PCDHGB1: variants seen among roughly 807,000 people sequenced by gnomAD.
PCDHGB1 encodes the protein protocadherin gamma subfamily B, 1, also known as protocadherin gamma-B1.
In PCDHGB1, 34 loss-of-function variants were observed where a neutral mutation model predicts 56.6. The observed-to-expected ratio is 0.60, with a 90% CI of 0.46 to 0.80. The LOEUF (loss-of-function observed/expected upper bound fraction) is 0.80. PCDHGB1 is among the 30% of genes least tolerant of loss of function. The probability of loss-of-function intolerance (pLI) is 0.00; values close to 1 mark genes in which losing one functional copy is unlikely to be tolerated. For synonymous variants in PCDHGB1, 561 were observed against 505.9 expected, an observed-to-expected ratio of 1.11 and a Z score of -1.46; for missense variants, 1,278 against 1,204.6, an observed-to-expected ratio of 1.06 and a Z score of -0.90.
intron 2 of PCDHGB1, among the ~76,000 whole-genome samples, chr5:141,503,334 C>T (rs2099819255): frequency 6.6e-6 from 1 of 152,072 alleles, no homozygotes; most frequent in Admixed American, 6.6e-5. Context: ...CGGTGGCTCA[C>T]GCCTGTAATT....
chr5:141,407,158 G>A (rs2094893881), intron 1 of PCDHGB1, among the ~76,000 whole-genome samples: 1 of 152,166 alleles, frequency 6.6e-6, no homozygotes, highest in African/African-American at 2.4e-5. Flanking sequence ...AAGTGTCTGG[G>A]AATCCTTTAT....
In PCDHGB1 at chr5:141,351,199, G is replaced by C. The variant is rs776609643; in HGVS notation, c.939G>C (p.Leu313Phe). The change falls in exon 1 of 4, where the codon TTG becomes TTC. Residue 313 changes from leucine (L) to phenylalanine (F), a missense_variant. Transcript: ENST00000523390. ...TTGAAGAGACAAGTAGATATGTGTT[G>C]AGTGTGGAAGCTAAGGATGGAGGAG... ...LDFEETSRYV[L>F]SVEAKDGGVH... 2.5e-6 allele frequency: 4 copies of C among 1,614,034 alleles called. No individual in the cohort carries two copies. Among genetic ancestry groups the C allele is most frequent in the Non-Finnish European group, 3.4e-6 (4 of 1,179,888 alleles).
Position 141,485,193 on chromosome 5 carries a change from G to C in PCDHGB1, c.2410-9614G>C. 1 of 1,613,988 alleles carries C rather than the reference G, an allele frequency of 6.2e-7. No individual in the cohort carries two copies. Among genetic ancestry groups the C allele is most frequent in the Non-Finnish European group, 8.5e-7 (1 of 1,179,852 alleles). On this transcript the variant is annotated intron_variant, in intron 1 of 3. Transcript: ENST00000523390. This position sits in a 1 kb window ranked among gnomAD's most constrained non-coding sequence, Gnocchi z 5.7. ...GCAGCAATGCTCCGCAAGGTGAGAA[G>C]CTGGACAGAAATCTGGCGGTGGGCT...
intron 1 of PCDHGB1, chr5:141,417,843 G>C: frequency 6.5e-7 from 1 of 1,539,250 alleles, no homozygotes; most frequent in Non-Finnish European, 8.8e-7. Context: ...GGGACCCAGC[G>C]AGAACCCGAG....
In PCDHGB1 at chr5:141,432,645, C is replaced by T. The variant is rs758701539; in HGVS notation, c.2410-62162C>T. On this transcript the variant is annotated intron_variant, in intron 1 of 3. Coordinates refer to ENST00000523390, the MANE Select transcript of PCDHGB1 (RefSeq NM_018922.3). The surrounding 1 kb of genome is among the most constrained non-coding windows in gnomAD (Gnocchi z 6.0). Reference sequence around the variant, plus strand: ...CTGCACACGGGCGAGGTGCGCACGGCGCGAGCCCTGCTGGACAGAGACGCG... The same window carrying T: ...CTGCACACGGGCGAGGTGCGCACGGTGCGAGCCCTGCTGGACAGAGACGCG... 1 of 1,613,746 alleles carries T rather than the reference C, an allele frequency of 6.2e-7. No homozygotes were observed. Among genetic ancestry groups the T allele is most frequent in the Admixed American group, 1.7e-5 (1 of 60,006 alleles).
At chr5:141,366,229 G>A in intron 1 of PCDHGB1, 2 of 1,613,808 alleles carry the variant, frequency 1.2e-6, no homozygotes, top group Non-Finnish European at 1.7e-6. Context: ...GAGCCCTGCT[G>A]GACAGAGACG....
chr5:141,476,596 C>T lies in PCDHGB1; in HGVS notation c.2410-18211C>T. 1 of 1,614,224 alleles carries T rather than the reference C, an allele frequency of 6.2e-7. No homozygotes were observed. Among genetic ancestry groups the T allele is most frequent in the Non-Finnish European group, 8.5e-7 (1 of 1,180,038 alleles). On this transcript the variant is annotated intron_variant, in intron 1 of 3. Coordinates refer to ENST00000523390, the MANE Select transcript of PCDHGB1 (RefSeq NM_018922.3). The surrounding 1 kb of genome is among the most constrained non-coding windows in gnomAD (Gnocchi z 7.6). The stretch of plus-strand genomic sequence containing the variant: ...CGCGCTTTCCGCTCGAGAGCGCGCA[C>T]GATCCCGATGTGGGAAGCAACTCTT...
intron 1 of PCDHGB1, among the ~76,000 whole-genome samples, chr5:141,354,829 C>G (rs1208052718): frequency 1.3e-5 from 2 of 151,828 alleles, no homozygotes; most frequent in African/African-American, 4.9e-5. Flanking sequence ...TACAGGAAGA[C>G]TTGGATCATT....
In PCDHGB1 at chr5:141,360,095, C is replaced by G. The variant is rs1402675837; in HGVS notation, c.2409+7426C>G. On this transcript the variant is annotated intron_variant, in intron 1 of 3. Coordinates refer to ENST00000523390, the MANE Select transcript of PCDHGB1 (RefSeq NM_018922.3). Reference sequence around the variant, plus strand: ...CCCGGATTCTGCCATCCCCGGAAGGCTTATTCCTCCTATGGGCAAAGGAGC... The same window carrying G: ...CCCGGATTCTGCCATCCCCGGAAGGGTTATTCCTCCTATGGGCAAAGGAGC... 8 of 1,523,900 alleles carry G rather than the reference C, an allele frequency of 5.2e-6. No individual in the cohort carries two copies. The African/African-American group carries it at 1.1e-4, about 21-fold the overall frequency. The allele number at this position is 1,523,900 out of a possible 1,614,324, so 94.4% of individuals were successfully genotyped here.
chr5:141,420,477 A>T (rs1469261817), intron 1 of PCDHGB1: 3 of 626,262 alleles, frequency 4.8e-6, no homozygotes, highest in Non-Finnish European at 7.0e-6. Flanking sequence ...TTTAAAGCAA[A>T]CTACATGGGT....
In PCDHGB1 at chr5:141,389,259, G is replaced by T. The variant is rs374136353; in HGVS notation, c.2409+36590G>T. ...CTCACAGTCTTCCTATATAGTCCAC[G>T]TGGCCGAGAACAACCCGCCTGGAGC... On this transcript the variant is annotated intron_variant, in intron 1 of 3. Transcript: ENST00000523390. The T allele has an allele frequency of 1.4e-5, 22 of 1,613,888 alleles. No individual in the cohort carries two copies. The African/African-American group carries it at 2.4e-4, about 18-fold the overall frequency.
intron 1 of PCDHGB1, chr5:141,384,799 G>A: frequency 1.2e-6 from 2 of 1,613,476 alleles, no homozygotes; most frequent in South Asian, 1.1e-5. Context: ...GGCCCTGCTG[G>A]ACAGAGATGC....
At position 141,414,898 on chromosome 5, in the gene PCDHGB1, G is replaced by A. The variant is rs1369274783; in HGVS notation, c.2409+62229G>A. On this transcript the variant is annotated intron_variant, in intron 1 of 3. Coordinates refer to ENST00000523390, the MANE Select transcript of PCDHGB1 (RefSeq NM_018922.3). ...CCTGTACCCCGCCCTCCCCACAGAC[G>A]GTTCCACAGGCGTGGAGCTGGCGCC... is the stretch of plus-strand genomic sequence containing the variant. 2.5e-6 allele frequency: 4 copies of A among 1,614,190 alleles called. No individual in the cohort carries two copies. Among genetic ancestry groups the A allele is most frequent in the Admixed American group, 1.7e-5 (1 of 60,028 alleles).
At chr5:141,414,446 T>C in intron 1 of PCDHGB1, 1 of 1,613,864 alleles carries the variant, frequency 6.2e-7, no homozygotes, top group Non-Finnish European at 8.5e-7. Flanking sequence ...TCTTACAATA[T>C]CACAGTGACA....
rs1165142153 is a variant in PCDHGB1 at position 141,402,786 on chromosome 5, G to A, written c.2409+50117G>A. On this transcript the variant is annotated intron_variant, in intron 1 of 3. Transcript: ENST00000523390. ...ACTCCATCCGGATTTCCAGTTCTGC[G>A]GCTACACAAAACCCGGCAGATACCA... 3.3e-6 allele frequency: 3 copies of A among 907,574 alleles called. No homozygotes were observed. The African/African-American group carries it at 5.0e-5, about 15-fold the overall frequency. 56.2% of individuals were successfully genotyped at this position (907,574 alleles called of 1,614,324 possible).
rs777111805 is a variant in PCDHGB1, at chr5:141,395,298, GT to G, written c.2409+42633del. On this transcript the variant is annotated intron_variant, in intron 1 of 3. Coordinates refer to ENST00000523390, the MANE Select transcript of PCDHGB1 (RefSeq NM_018922.3). ...ATGAATTTTATTTGGCATAAATTAT[GT>G]TTTGAAAAACATTGTGAAGATAGTT... 6 of 1,522,174 alleles carry G rather than the reference GT, an allele frequency of 3.9e-6. No homozygotes were observed. The East Asian group carries it at 9.1e-5, about 23-fold the overall frequency. The allele number at this position is 1,522,174 out of a possible 1,614,324, so 94.3% of individuals were successfully genotyped here.
At chr5:141,415,469 C>G (rs1247738517) in intron 1 of PCDHGB1, 1 of 1,614,090 alleles carries the variant, frequency 6.2e-7, no homozygotes, top group Non-Finnish European at 8.5e-7. Context: ...TCTCTCACCG[C>G]GGACTCGCGA....
intron 1 of PCDHGB1, chr5:141,398,687 A>T (rs940121215): frequency 1.9e-6 from 3 of 1,613,940 alleles, no homozygotes; most frequent in Non-Finnish European, 2.5e-6. Context: ...GAGAAACAGG[A>T]TGGTAGTAAA....
intron 2 of PCDHGB1, among the ~76,000 whole-genome samples, chr5:141,503,994 A>C (rs1330628079): frequency 6.6e-6 from 1 of 152,158 alleles, no homozygotes; most frequent in Non-Finnish European, 1.5e-5. Context: ...CTTACCTTAC[A>C]GTCACTTAAC....
Sources: allele counts gnomAD v4.1 joint callset (sites outside exome capture counted in the v4.1 genomes callset), GRCh38; gene constraint gnomAD v4.1.1; non-coding constraint Gnocchi (gnomAD v3.1); transcripts MANE v1.5; gene names NCBI Gene and HGNC (gene_info 2026-07-23, HGNC 2026-07-21).